Variants in LYN observed in about 807,000 individuals in gnomAD.
LYN encodes the protein tyrosine-protein kinase Lyn.
LYN carries 12 observed loss-of-function variants against 65.0 expected under a neutral mutation model. The ratio of observed to expected loss-of-function variants is 0.18; its 90% CI spans 0.12 to 0.30. The LOEUF (loss-of-function observed/expected upper bound fraction) is 0.30, where lower values mean the gene tolerates loss of function less well. Ranked by LOEUF, LYN falls within the 10% of genes least tolerant of loss-of-function variation. The pLI is 1.00. For synonymous variants in LYN, 222 were observed against 221.2 expected (o/e 1.00, Z -0.03); for missense variants, 380 against 623.2 (o/e 0.61, Z 4.16).
At chr8:55,969,339 A>T (rs1445716763) in intron 9 of LYN, among the ~76,000 whole-genome samples, 1 of 152,198 alleles carries the variant, frequency 6.6e-6, no homozygotes, top group Non-Finnish European at 1.5e-5. Context: ...TACAGATGGG[A>T]GTGAGCCTGG....
chr8:55,924,089 C>T (rs1231668736), intron 1 of LYN, among the ~76,000 whole-genome samples: 1 of 150,530 alleles, frequency 6.6e-6, no homozygotes, highest in Admixed American at 6.6e-5. Context: ...TTATAGCAAC[C>T]ACAGAAAACC....
rs143569432 is a variant in LYN, at chr8:55,881,870, G to A, written c.-6+1767G>A. ...TCTTGTCCAAAATGATAGCCCCAGT[G>A]CCTGGTACATAGTAGGTGCTCAGTT... On this transcript the variant is annotated intron_variant, in intron 1 of 12. Coordinates refer to ENST00000519728, the MANE Select transcript of LYN (RefSeq NM_002350.4). Among the ~76,000 whole-genome samples the A allele has an allele frequency of 2.4e-3, 358 of 152,282 alleles. 1 individual carries two copies. The highest frequency in any genetic ancestry group is 8.1e-3 in the African/African-American group (337 of 41,546).
At chr8:55,992,931 T>C (rs1265809779) in intron 10 of LYN, among the ~76,000 whole-genome samples, 1 of 152,048 alleles carries the variant, frequency 6.6e-6, no homozygotes, top group East Asian at 1.9e-4. Flanking sequence ...CTTAATACGA[T>C]TGCATTGGAG....
chr8:55,883,306 A>C (rs1335886277), intron 1 of LYN, among the ~76,000 whole-genome samples: 1 of 152,256 alleles, frequency 6.6e-6, no homozygotes, highest in African/African-American at 2.4e-5. Context: ...AACATTTTAA[A>C]AGTGAAATCA....
At chr8:55,912,905 CCTTTA>C (rs199976380) in intron 1 of LYN, among the ~76,000 whole-genome samples, 1,737 of 151,932 alleles carry the variant, frequency 0.011, 31 homozygotes, top group African/African-American at 0.039. Context: ...AGTTTATTCC[CCTTTA>C]CTTTACTTTT....
chr8:55,954,181 G>A (rs750473102), intron 8 of LYN, among the ~76,000 whole-genome samples, 197 bp downstream of exon 8: 3 of 152,130 alleles, frequency 2.0e-5, no homozygotes, highest in Non-Finnish European at 2.9e-5. Context: ...TCTTTCTTGC[G>A]ACTTAGTAAT....
intron 1 of LYN, among the ~76,000 whole-genome samples, chr8:55,886,241 CTTTT>C (rs34839284): frequency 7.5e-6 from 1 of 133,448 alleles, no homozygotes; most frequent in Non-Finnish European, 1.6e-5. Context: ...TGTCAAACAT[CTTTT>C]TTTTTTTTTT....
At chr8:55,972,889 CAGTT>C (rs1169895590) in intron 10 of LYN, among the ~76,000 whole-genome samples, 2 of 152,134 alleles carry the variant, frequency 1.3e-5, no homozygotes, top group Non-Finnish European at 2.9e-5. Flanking sequence ...TCTAACTAAA[CAGTT>C]AGTAGGCTGT....
chr8:55,894,875 T>G (rs994996868), intron 1 of LYN, among the ~76,000 whole-genome samples: 2 of 152,104 alleles, frequency 1.3e-5, no homozygotes, highest in African/African-American at 4.8e-5. Flanking sequence ...GATGGGGTTT[T>G]GCCATGTTGC....
intron 8 of LYN, 107 bp from the exon 9 acceptor site, chr8:55,966,608 C>A: frequency 1.2e-6 from 1 of 856,728 alleles, no homozygotes; most frequent in Non-Finnish European, 1.8e-6. Context: ...CATCAGGTGA[C>A]CCACTCACCT....
chr8:55,910,626 T>A (rs1156351624), intron 1 of LYN, among the ~76,000 whole-genome samples: 1 of 152,244 alleles, frequency 6.6e-6, no homozygotes, highest in African/African-American at 2.4e-5. Flanking sequence ...CTTTGGTATT[T>A]GTGCTCTCTT....
At chr8:55,905,230 G>T (rs1472293980) in intron 1 of LYN, among the ~76,000 whole-genome samples, 2 of 152,116 alleles carry the variant, frequency 1.3e-5, no homozygotes, top group African/African-American at 4.8e-5. Flanking sequence ...GGCCAACATG[G>T]TGAAACCACA....
At position 56,013,290 on chromosome 8, in the gene LYN, A is replaced by G. The variant is rs1808864661; in HGVS notation, c.*3180A>G. The G allele has an allele frequency of 7.6e-6, 1 of 131,350 alleles. No homozygotes were observed. Among genetic ancestry groups the G allele is most frequent in the South Asian group, 2.2e-4 (1 of 4,474 alleles). The allele number at this position is 131,350 out of a possible 1,614,324, so 8.1% of individuals were successfully genotyped here. The stretch of plus-strand genomic sequence containing the variant: ...TCTCTCTTTTTTTTTTTTTTTTGAC[A>G]GAGTCTCACTCTGTCACGCAGGCTA... On this transcript the variant is annotated 3_prime_UTR_variant, in exon 13 of 13. Transcript: ENST00000519728.
At chr8:55,933,246 A>T (rs1373603942) in intron 1 of LYN, among the ~76,000 whole-genome samples, 2 of 152,256 alleles carry the variant, frequency 1.3e-5, no homozygotes, top group African/African-American at 4.8e-5. Flanking sequence ...AATCTGAAAT[A>T]ATTAAAAGAT....
chr8:55,984,727 A>G (rs1299206017), intron 10 of LYN, among the ~76,000 whole-genome samples: 1 of 152,214 alleles, frequency 6.6e-6, no homozygotes, highest in Admixed American at 6.5e-5. Context: ...TTTGAGGCAT[A>G]AATCAGATAA....
At chr8:55,911,701 A>T (rs1805643389) in intron 1 of LYN, among the ~76,000 whole-genome samples, 1 of 152,014 alleles carries the variant, frequency 6.6e-6, no homozygotes, top group East Asian at 1.9e-4. Flanking sequence ...TGCCCTGGAG[A>T]CTGAGGCAGG....
intron 1 of LYN, among the ~76,000 whole-genome samples, chr8:55,911,257 GTATA>G (rs1164931946): frequency 0.017 from 144 of 8,318 alleles, 24 homozygotes; most frequent in African/African-American, 0.043. Flanking sequence ...GTGTGTGTGT[GTATA>G]TATATATATA....
intron 12 of LYN, among the ~76,000 whole-genome samples, chr8:56,000,727 CAAAAAAAAAA>C (rs1043054300): frequency 8.5e-5 from 4 of 46,832 alleles, no homozygotes; most frequent in African/African-American, 1.4e-4. Flanking sequence ...GACTCTGTCT[CAAAAAAAAAA>C]AAAAAAAAAA....
intron 1 of LYN, among the ~76,000 whole-genome samples, chr8:55,897,061 G>A (rs1471254919): frequency 6.6e-6 from 1 of 152,106 alleles, no homozygotes; most frequent in African/African-American, 2.4e-5. Flanking sequence ...TAAATGATGA[G>A]GAAATAACTG....
Sources: gnomAD v4.1 joint callset for allele counts (sites outside exome capture counted in the v4.1 genomes callset) on GRCh38, gnomAD v4.1.1 for gene constraint, MANE v1.5 for transcripts, NCBI Gene and HGNC (gene_info 2026-07-23, HGNC 2026-07-21) for gene names.